The following TSPAN12 variants were observed in gnomAD, a reference collection of about 807,000 sequenced individuals.
TSPAN12 encodes the protein tetraspanin-12.
Under a neutral mutation model 39.2 loss-of-function variants are expected in TSPAN12, and 19 were observed. The ratio of observed to expected loss-of-function variants is 0.49; its 90% CI spans 0.34 to 0.71. The LOEUF is 0.71. TSPAN12 is among the 30% of genes least tolerant of loss of function. The probability of loss-of-function intolerance (pLI) is 0.01; values close to 1 mark genes in which losing one functional copy is unlikely to be tolerated. For synonymous variants in TSPAN12, 119 were observed against 124.8 expected, an observed-to-expected ratio of 0.95 and a Z score of 0.31; for missense variants, 314 against 359.9, an observed-to-expected ratio of 0.87 and a Z score of 1.03.
intron 7 of TSPAN12, among the ~76,000 whole-genome samples, chr7:120,806,028 G>A (rs927993163): frequency 6.6e-6 from 1 of 152,054 alleles, no homozygotes; most frequent in African/African-American, 2.4e-5. Context: ...TGACTTTACC[G>A]CCACTGAGCA....
intron 7 of TSPAN12, among the ~76,000 whole-genome samples, chr7:120,799,840 TATTTAATA>T (rs910809132): frequency 5.7e-5 from 8 of 139,808 alleles, no homozygotes; most frequent in African/African-American, 7.9e-5. Flanking sequence ...ATTATATTAA[TATTTAATA>T]ATTTAATAAT....
intron 2 of TSPAN12, among the ~76,000 whole-genome samples, chr7:120,848,956 T>C (rs749977850): frequency 3.9e-5 from 6 of 152,240 alleles, no homozygotes; most frequent in Non-Finnish European, 7.3e-5. Flanking sequence ...GCACAACTTA[T>C]GTGAGGAATT....
At chr7:120,825,933 T>A (rs568946350) in intron 4 of TSPAN12, among the ~76,000 whole-genome samples, 2 of 152,228 alleles carry the variant, frequency 1.3e-5, no homozygotes, top group Admixed American at 6.5e-5. Context: ...AAGAATCAGG[T>A]CAGCCTGATT....
At chr7:120,845,726 G>A (rs1391824737) in intron 2 of TSPAN12, among the ~76,000 whole-genome samples, 1 of 152,144 alleles carries the variant, frequency 6.6e-6, no homozygotes, top group Non-Finnish European at 1.5e-5. Context: ...GACTTCATTT[G>A]TCAATATTAC....
chr7:120,806,488 T>G, intron 7 of TSPAN12, 61 bp downstream of exon 7: 1 of 1,585,398 alleles, frequency 6.3e-7, no homozygotes, highest in Non-Finnish European at 8.6e-7. Context: ...TATTGTTGAT[T>G]CTTTAAAGTT....
At chr7:120,855,879 A>T (rs982157751) in intron 2 of TSPAN12, among the ~76,000 whole-genome samples, 1 of 152,244 alleles carries the variant, frequency 6.6e-6, no homozygotes, top group East Asian at 1.9e-4. Context: ...AAAATTATTA[A>T]TAGAACACAA....
chr7:120,856,095 A>C (rs1238547300), intron 2 of TSPAN12, among the ~76,000 whole-genome samples: 2 of 152,176 alleles, frequency 1.3e-5, no homozygotes, highest in Non-Finnish European at 2.9e-5. Context: ...TATTTCCTTA[A>C]ATGGTTATGG....
chr7:120,794,694 G>A (rs1359656183), intron 7 of TSPAN12, among the ~76,000 whole-genome samples: 1 of 152,164 alleles, frequency 6.6e-6, no homozygotes, highest in East Asian at 1.9e-4. Context: ...CAGGTGTCAT[G>A]CTGAATATCA....
At chr7:120,823,827 GCT>G (rs1253479196) in intron 4 of TSPAN12, among the ~76,000 whole-genome samples, 1 of 152,128 alleles carries the variant, frequency 6.6e-6, no homozygotes, top group African/African-American at 2.4e-5. Flanking sequence ...AACTAAATTA[GCT>G]CTCTAAATTA....
At chr7:120,821,236 G>GA (rs1272463475) in intron 4 of TSPAN12, among the ~76,000 whole-genome samples, 2 of 151,414 alleles carry the variant, frequency 1.3e-5, no homozygotes, top group East Asian at 1.9e-4. Context: ...CTACATTCAT[G>GA]AAAAAAAATT....
chr7:120,825,153 G>A (rs1794260784), intron 4 of TSPAN12, among the ~76,000 whole-genome samples: 1 of 152,078 alleles, frequency 6.6e-6, no homozygotes, highest in African/African-American at 2.4e-5. Flanking sequence ...TTTTACATAA[G>A]GTTTTTTTTG....
At chr7:120,805,357 C>T (rs1031841147) in intron 7 of TSPAN12, among the ~76,000 whole-genome samples, 5 of 152,216 alleles carry the variant, frequency 3.3e-5, no homozygotes, top group African/African-American at 1.2e-4. Context: ...CTGCCTTTGG[C>T]AGAGAGTCTA....
chr7:120,847,714 C>T (rs1794699163), intron 2 of TSPAN12, among the ~76,000 whole-genome samples: 1 of 152,186 alleles, frequency 6.6e-6, no homozygotes, highest in African/African-American at 2.4e-5. Flanking sequence ...GGCCTTCATC[C>T]TCTTTTGCTA....
chr7:120,832,505 G>A (rs546146954), intron 4 of TSPAN12, among the ~76,000 whole-genome samples: 9 of 151,680 alleles, frequency 5.9e-5, no homozygotes, highest in African/African-American at 1.2e-4. Context: ...TTCCTTCCTC[G>A]TCTCCACCGG....
At chr7:120,849,622 C>T (rs1323061344) in intron 2 of TSPAN12, among the ~76,000 whole-genome samples, 2 of 152,186 alleles carry the variant, frequency 1.3e-5, no homozygotes, top group Admixed American at 6.5e-5. Context: ...AGACCTGAAT[C>T]TTAGTTACAG....
At chr7:120,822,913 A>C (rs1424877006) in intron 4 of TSPAN12, among the ~76,000 whole-genome samples, 4 of 152,188 alleles carry the variant, frequency 2.6e-5, no homozygotes, top group Admixed American at 2.6e-4. Context: ...TCAAGACTCA[A>C]ATCAAACCAA....
chr7:120,817,892 C>T (rs1794115174), intron 4 of TSPAN12, among the ~76,000 whole-genome samples: 1 of 152,102 alleles, frequency 6.6e-6, no homozygotes, highest in African/African-American at 2.4e-5. Flanking sequence ...TACATTCTTG[C>T]ATTCCTCATC....
At chr7:120,814,936 T>G (rs919949084) in intron 5 of TSPAN12, among the ~76,000 whole-genome samples, 1 of 152,230 alleles carries the variant, frequency 6.6e-6, no homozygotes, top group Non-Finnish European at 1.5e-5. Context: ...AAACAGGAGA[T>G]GTAGGCTTCC....
intron 5 of TSPAN12, among the ~76,000 whole-genome samples, chr7:120,813,717 T>TC (rs1794027014): frequency 6.6e-6 from 1 of 152,184 alleles, no homozygotes; most frequent in African/African-American, 2.4e-5. Context: ...AGATGTACTC[T>TC]CTATGGCTTA....
Sources: gnomAD v4.1 joint callset for allele counts (sites outside exome capture counted in the v4.1 genomes callset) on GRCh38, gnomAD v4.1.1 for gene constraint, MANE v1.5 for transcripts, NCBI Gene and HGNC (gene_info 2026-07-23, HGNC 2026-07-21) for gene names.